The following PLA2R1 variants were observed in gnomAD, a reference collection of about 807,000 sequenced individuals.
PLA2R1 encodes the protein phospholipase A2 receptor 1.
PLA2R1 carries 158 observed loss-of-function variants against 195.9 expected under a neutral mutation model. The observed-to-expected ratio is 0.81, with a 90% CI of 0.71 to 0.92. PLA2R1 has a LOEUF of 0.92. Ranked by LOEUF, PLA2R1 falls within the 40% of genes least tolerant of loss-of-function variation. The probability of loss-of-function intolerance (pLI) is 0.00; values close to 1 mark genes in which losing one functional copy is unlikely to be tolerated. For synonymous variants in PLA2R1, 586 were observed against 598.2 expected, an observed-to-expected ratio of 0.98 and a Z score of 0.30; for missense variants, 1,626 against 1,764.6, an observed-to-expected ratio of 0.92 and a Z score of 1.41.
At chr2:160,010,186 A>G (rs1692270298) in intron 10 of PLA2R1, among the ~76,000 whole-genome samples, 1 of 152,216 alleles carries the variant, frequency 6.6e-6, no homozygotes, top group Admixed American at 6.5e-5. Context: ...AAAATTCACA[A>G]AATTGAATGC....
At chr2:160,057,979 G>T (rs1340112999) in intron 1 of PLA2R1, among the ~76,000 whole-genome samples, 1 of 152,122 alleles carries the variant, frequency 6.6e-6, no homozygotes, top group Non-Finnish European at 1.5e-5. Flanking sequence ...CTGCCCGTTG[G>T]TGGGTCCACT....
chr2:159,965,960 C>A (rs1560154878), intron 20 of PLA2R1, among the ~76,000 whole-genome samples: 1 of 152,084 alleles, frequency 6.6e-6, no homozygotes, highest in Non-Finnish European at 1.5e-5. Context: ...GACTCAGGGT[C>A]AGAAAACAAA....
intron 15 of PLA2R1, 56 bp downstream of exon 15, chr2:159,977,228 G>A: frequency 1.5e-6 from 2 of 1,352,936 alleles, no homozygotes; most frequent in Non-Finnish European, 2.1e-6. Context: ...AATTGGGAAA[G>A]TACTAGAGAT....
intron 20 of PLA2R1, among the ~76,000 whole-genome samples, chr2:159,957,673 G>A (rs895616048): frequency 4.6e-5 from 7 of 152,110 alleles, no homozygotes; most frequent in Admixed American, 3.3e-4. Flanking sequence ...CTTTCTTATG[G>A]GATGAGAAAT....
chr2:159,963,536 C>T (rs1471334312), intron 20 of PLA2R1, among the ~76,000 whole-genome samples: 1 of 152,058 alleles, frequency 6.6e-6, no homozygotes, highest in Non-Finnish European at 1.5e-5. Context: ...TCCTATAACT[C>T]AACAATAAAA....
At chr2:160,019,367 C>A (rs1692959866) in intron 8 of PLA2R1, among the ~76,000 whole-genome samples, 1 of 152,166 alleles carries the variant, frequency 6.6e-6, no homozygotes, top group South Asian at 2.1e-4. Flanking sequence ...TACACCAAAA[C>A]CATGGTTGCT....
At chr2:160,062,151 G>T in intron 1 of PLA2R1, 144 bp downstream of exon 1, 1 of 603,154 alleles carries the variant, frequency 1.7e-6, no homozygotes, top group Non-Finnish European at 2.9e-6. Flanking sequence ...CCATGCTCAG[G>T]ACTGCTGACA....
intron 10 of PLA2R1, among the ~76,000 whole-genome samples, chr2:160,009,954 T>TA (rs549108507): frequency 8.0e-4 from 122 of 151,886 alleles, no homozygotes; most frequent in African/African-American, 2.9e-3. Flanking sequence ...TAAAAAATTT[T>TA]AAAAAATTAG....
chr2:159,966,454 T>C (rs1469392016), intron 20 of PLA2R1, among the ~76,000 whole-genome samples: 1 of 152,152 alleles, frequency 6.6e-6, no homozygotes, highest in Non-Finnish European at 1.5e-5. Context: ...GGTCTGGAGA[T>C]TTGTTGAATG....
rs1036938491 is a variant in PLA2R1 at position 160,016,515 on chromosome 2, A to C, written c.1551+99T>G. The stretch of plus-strand genomic sequence containing the variant: ...GAGAGAGAGATGAAAGAGAGGAGAG[A>C]GAGAGAGGAGAAAGAGAAATTCACT... On this transcript the variant is annotated intron_variant, in intron 9 of 29. Transcript: ENST00000283243. 4 of 692,026 alleles carry C rather than the reference A, an allele frequency of 5.8e-6. No individual in the cohort carries two copies. In the African/African-American group the frequency reaches 7.2e-5, roughly 13 times the overall value. 42.9% of individuals were successfully genotyped at this position (692,026 alleles called of 1,614,324 possible).
the PLA2R1 span, among the ~76,000 whole-genome samples, chr2:159,924,694 T>C: frequency 2.6e-4 from 36 of 140,160 alleles, no homozygotes; most frequent in Non-Finnish European, 3.5e-4. Flanking sequence ...GAAAGACCAT[T>C]TACCTAGAAA....
At chr2:159,999,116 G>T (rs1480337664) in intron 11 of PLA2R1, among the ~76,000 whole-genome samples, 1 of 152,058 alleles carries the variant, frequency 6.6e-6, no homozygotes, top group Non-Finnish European at 1.5e-5. Context: ...TCCACCATGT[G>T]AGGGCGCTGC....
chr2:159,972,705 A>G (rs1216068756), intron 17 of PLA2R1, among the ~76,000 whole-genome samples: 1 of 152,222 alleles, frequency 6.6e-6, no homozygotes, highest in Non-Finnish European at 1.5e-5. Context: ...ATAACAGTGT[A>G]AAAATGTCAG....
intron 10 of PLA2R1, among the ~76,000 whole-genome samples, chr2:160,010,338 G>GA (rs1176161849): frequency 6.6e-6 from 1 of 152,160 alleles, no homozygotes; most frequent in African/African-American, 2.4e-5. Context: ...GGCCAGGCCT[G>GA]AAAAAATTTT....
At position 160,062,345 on chromosome 2, in the gene PLA2R1, G is replaced by T; in HGVS notation, c.59C>A (p.Ala20Asp). ...GGTAAGCGCCGCCGCCACACCCTCGGCGCAGCCCCGCGGCGCCCCCAGCAG... is the reference window on the plus strand; with the variant it reads ...GGTAAGCGCCGCCGCCACACCCTCGTCGCAGCCCCGCGGCGCCCCCAGCAG... ...LLLLGAPRGC[A>D]EGVAAALTPE... The change falls in exon 1 of 30, where the codon GCC becomes GAC. Residue 20 changes from alanine to aspartate, a missense_variant. Coordinates refer to ENST00000283243, the MANE Select transcript of PLA2R1 (RefSeq NM_007366.5). 1 of 1,535,218 alleles carries T rather than the reference G, an allele frequency of 6.5e-7. No individual in the cohort carries two copies.
rs1402891721 is a variant in PLA2R1, at chr2:160,028,359, C to T, written c.958G>A (p.Val320Ile). The T allele has an allele frequency of 1.2e-6, 2 of 1,602,626 alleles. No individual in the cohort carries two copies. The highest frequency in any genetic ancestry group is 1.7e-5 in the Admixed American group (1 of 59,078). Residue 320 changes from valine to isoleucine, a missense_variant and splice_region_variant, in exon 6 of 30, where the codon GTA becomes ATA. By Grantham distance (29) the Val-to-Ile change is conservative (BLOSUM62 3). Coordinates refer to ENST00000283243, the MANE Select transcript of PLA2R1 (RefSeq NM_007366.5). ...PLNYLNWSPE[V>I]NFEPFVEDHC... ...TCTTCAACAAATGGCTCAAAATTTACCTCTGAAAATACAATGAGTGTCTTT... is the reference window on the plus strand; with the variant it reads ...TCTTCAACAAATGGCTCAAAATTTATCTCTGAAAATACAATGAGTGTCTTT...
At chr2:159,953,682 A>G (rs1029078359) in intron 23 of PLA2R1, among the ~76,000 whole-genome samples, 2 of 151,944 alleles carry the variant, frequency 1.3e-5, no homozygotes, top group Admixed American at 6.5e-5. Context: ...ATTCTGTACT[A>G]TCTCTAAAGG....
chr2:160,059,516 T>C (rs1695809169), intron 1 of PLA2R1, among the ~76,000 whole-genome samples: 1 of 152,176 alleles, frequency 6.6e-6, no homozygotes, highest in South Asian at 2.1e-4. Flanking sequence ...ACTGGCAAAA[T>C]ACCTGTCCAG....
chr2:159,946,431 A>G lies in PLA2R1; in HGVS notation c.3967+370T>C, dbSNP rs187329837. The G allele has an allele frequency of 1.0e-5, 10 of 992,902 alleles. No individual in the cohort carries two copies. In the Admixed American group the frequency reaches 3.0e-4, roughly 30 times the overall value. 61.5% of individuals were successfully genotyped at this position (992,902 alleles called of 1,614,324 possible). On this transcript the variant is annotated intron_variant, in intron 27 of 29. Transcript: ENST00000283243. ...ATCCTAACAGCACAGTTCATCATGG[A>G]AACATTTCCATAACTCTATTGTGCT...
Sources: allele counts gnomAD v4.1 joint callset (sites outside exome capture counted in the v4.1 genomes callset), GRCh38; gene constraint gnomAD v4.1.1; transcripts MANE v1.5; gene names NCBI Gene and HGNC (gene_info 2026-07-23, HGNC 2026-07-21).